ENOPH1: variants seen among roughly 807,000 people sequenced by gnomAD.
ENOPH1 encodes enolase-phosphatase 1.
In ENOPH1, 14 loss-of-function variants were observed where a neutral mutation model predicts 31.1. The observed-to-expected ratio is 0.45, with a 90% CI of 0.30 to 0.70. The LOEUF (loss-of-function observed/expected upper bound fraction) is 0.70. Among genes scored for constraint, ENOPH1 ranks in the 30% least tolerant of loss-of-function variants. ENOPH1 has a pLI of 0.09. For missense variants in ENOPH1, 243 were observed against 321.5 expected (o/e 0.76, Z 1.87); for synonymous variants, 127 against 123.2 (o/e 1.03, Z -0.21).
intron 1 of ENOPH1, among the ~76,000 whole-genome samples, chr4:82,441,621 G>A (rs1028780662): frequency 2.0e-4 from 31 of 152,018 alleles, no homozygotes; most frequent in Admixed American, 3.3e-4. Context: ...GCGACAGAGC[G>A]AGACTGCATC....
At chr4:82,436,003 A>C (rs1167230985) in intron 1 of ENOPH1, among the ~76,000 whole-genome samples, 1 of 152,230 alleles carries the variant, frequency 6.6e-6, no homozygotes, top group African/African-American at 2.4e-5. Context: ...GAAGTGTCAG[A>C]CTGGAGGAAA....
chr4:82,432,861 C>T (rs1002529498), intron 1 of ENOPH1, among the ~76,000 whole-genome samples: 3 of 152,138 alleles, frequency 2.0e-5, no homozygotes, highest in Admixed American at 6.5e-5. Flanking sequence ...CCTCCCGTGT[C>T]GGCCTCCCAA....
chr4:82,448,378 A>T (rs1183659825), intron 2 of ENOPH1, among the ~76,000 whole-genome samples: 1 of 151,464 alleles, frequency 6.6e-6, no homozygotes, highest in African/African-American at 2.4e-5. Context: ...CTCCTGCCTC[A>T]GCCTCCCGAG....
At chr4:82,431,636 C>T (rs1721764567) in intron 1 of ENOPH1, among the ~76,000 whole-genome samples, 1 of 152,134 alleles carries the variant, frequency 6.6e-6, no homozygotes, top group Non-Finnish European at 1.5e-5. Context: ...TTAGCGGATT[C>T]CTTCTTTATT....
At chr4:82,454,603 GCTGCTTCTCA>G in intron 3 of ENOPH1, 109 bp from the exon 4 acceptor site, 1 of 1,102,980 alleles carries the variant, frequency 9.1e-7, no homozygotes, top group Non-Finnish European at 1.3e-6. Context: ...GTCTCAGGGA[GCTGCTTCTCA>G]GGTTACCATG....
chr4:82,453,218 T>C (rs1028513392), intron 3 of ENOPH1, among the ~76,000 whole-genome samples: 1 of 152,196 alleles, frequency 6.6e-6, no homozygotes, highest in Non-Finnish European at 1.5e-5. Context: ...TTCTTAAGGA[T>C]TTTAGGCCAT....
intron 1 of ENOPH1, among the ~76,000 whole-genome samples, chr4:82,435,091 T>C (rs1721874254): frequency 6.6e-6 from 1 of 151,964 alleles, no homozygotes; most frequent in Non-Finnish European, 1.5e-5. Flanking sequence ...ATACCTCTGG[T>C]GTTTGTTCTT....
Position 82,460,035 on chromosome 4 carries a change from G to T in ENOPH1, c.701G>T (p.Gly234Val). The change falls in exon 6 of 6, where the codon GGC becomes GTC. Residue 234 changes from glycine (G) to valine (V), a missense_variant. Coordinates refer to ENST00000273920, the MANE Select transcript of ENOPH1 (RefSeq NM_021204.5). The part of the protein sequence containing the change: ...DVHVAVVVRP[G>V]NAGLTDDEKT... ...CACGTAGCTGTGGTGGTGAGACCAG[G>T]CAACGCAGGATTAACAGATGATGAG... 6.2e-7 allele frequency: 1 copy of T among 1,614,122 alleles called. No individual in the cohort carries two copies. Among genetic ancestry groups the T allele is most frequent in the Non-Finnish European group, 8.5e-7 (1 of 1,180,018 alleles).
chr4:82,437,414 A>G (rs933511000), intron 1 of ENOPH1, among the ~76,000 whole-genome samples: 11 of 152,294 alleles, frequency 7.2e-5, no homozygotes, highest in East Asian at 1.9e-4. Context: ...CCAACTTTCT[A>G]TCCCTCTCTT....
rs1343577082 is a variant in ENOPH1, at chr4:82,447,996, A to T, written c.161A>T (p.Gln54Leu). Reference protein sequence around the residue: ...QTHWEEEECQQDVSLLRKQAE... With the variant: ...QTHWEEEECQLDVSLLRKQAE... ...CATTGGGAAGAAGAGGAGTGCCAGC[A>T]GGATGTCAGTCTTTTGAGGAAACAG... Residue 54 changes from glutamine (Q) to leucine (L), a missense_variant, in exon 2 of 6, where the codon CAG becomes CTG. Transcript: ENST00000273920. 1 of 1,612,666 alleles carries T rather than the reference A, an allele frequency of 6.2e-7. No homozygotes were observed. The highest frequency in any genetic ancestry group is 8.5e-7 in the Non-Finnish European group (1 of 1,179,130).
intron 2 of ENOPH1, among the ~76,000 whole-genome samples, chr4:82,449,119 A>C (rs1722278465): frequency 1.3e-5 from 2 of 149,634 alleles, no homozygotes; most frequent in South Asian, 4.2e-4. Context: ...GGGCACCTGT[A>C]GTCACAACTC....
At position 82,460,648 on chromosome 4, in the gene ENOPH1, T is replaced by G. The variant is rs1033431158; in HGVS notation, c.*528T>G. On this transcript the variant is annotated 3_prime_UTR_variant, in exon 6 of 6. Transcript: ENST00000273920. ...TTCCTTCTGCTTCAAAAGAACAAAA[T>G]TGGGAAAGAAAACTCACTTGAGTCT... 1.3e-5 allele frequency: 2 copies of G among 152,194 alleles called. No homozygotes were observed. The highest frequency in any genetic ancestry group is 4.8e-5 in the African/African-American group (2 of 41,434). The allele number at this position is 152,194 out of a possible 1,614,324, so 9.4% of individuals were successfully genotyped here. A position where few individuals can be genotyped will look rare whatever the true frequency, so the allele number is the denominator to read the frequency against.
chr4:82,432,932 C>A (rs1721812714), intron 1 of ENOPH1, among the ~76,000 whole-genome samples: 3 of 152,228 alleles, frequency 2.0e-5, no homozygotes, highest in Admixed American at 2.0e-4. Context: ...TTTAATCACA[C>A]CAGAGACCTC....
chr4:82,441,502 C>T lies in ENOPH1; in HGVS notation c.85-6418C>T, dbSNP rs370390602. ...CCGGGTGTGGTGGCAGGCGTGGTGG[C>T]GGGTGCCTGTAGTCCCAGCTACTCT... is the stretch of plus-strand genomic sequence containing the variant. On this transcript the variant is annotated intron_variant, in intron 1 of 5. Transcript: ENST00000273920. 9.9e-5 allele frequency among the ~76,000 whole-genome samples: 15 copies of T among 152,150 alleles called. No individual in the cohort carries two copies. In the East Asian group the frequency reaches 1.5e-3, roughly 16 times the overall value.
Position 82,432,319 on chromosome 4 carries a change from G to A in ENOPH1, c.84+1406G>A, listed in dbSNP as rs1040758634. Among the ~76,000 whole-genome samples, 7 of 152,012 alleles carry A rather than the reference G, an allele frequency of 4.6e-5. 1 individual carries two copies. Among genetic ancestry groups the A allele is most frequent in the African/African-American group, 1.7e-4 (7 of 41,394 alleles). On this transcript the variant is annotated intron_variant, in intron 1 of 5. Transcript: ENST00000273920. ...TTGACATCTTAGCATAGGTTCAGAA[G>A]AAATCGAGTTTAGCATTTTCTCCAC...
At chr4:82,446,295 G>A (rs1293634886) in intron 1 of ENOPH1, among the ~76,000 whole-genome samples, 4 of 152,062 alleles carry the variant, frequency 2.6e-5, no homozygotes, top group Non-Finnish European at 5.9e-5. Context: ...GCAGGTGCCT[G>A]TAATCCCAGC....
At chr4:82,446,212 G>A (rs1722178385) in intron 1 of ENOPH1, among the ~76,000 whole-genome samples, 1 of 152,122 alleles carries the variant, frequency 6.6e-6, no homozygotes, top group African/African-American at 2.4e-5. Context: ...GAGGTCAGGA[G>A]TTCAAGACCA....
At chr4:82,437,897 G>A (rs952676772) in intron 1 of ENOPH1, among the ~76,000 whole-genome samples, 3 of 152,162 alleles carry the variant, frequency 2.0e-5, no homozygotes, top group Non-Finnish European at 2.9e-5. Flanking sequence ...TGCAATCCTT[G>A]CTATTTCAGA....
chr4:82,448,049 A>G (rs1313449616), intron 2 of ENOPH1, 28 bp downstream of exon 2: 3 of 1,498,414 alleles, frequency 2.0e-6, no homozygotes, highest in East Asian at 4.5e-5. Flanking sequence ...TTAAATTCCC[A>G]AGTGTCTTAG....
Sources: allele counts gnomAD v4.1 joint callset (sites outside exome capture counted in the v4.1 genomes callset), GRCh38; gene constraint gnomAD v4.1.1; transcripts MANE v1.5; gene names NCBI Gene and HGNC (gene_info 2026-07-23, HGNC 2026-07-21).